Variants in SPIN1 observed in about 807,000 individuals in gnomAD.
SPIN1 encodes spindlin 1.
Under a neutral mutation model 26.0 loss-of-function variants are expected in SPIN1, and 3 were observed. That is an observed-to-expected ratio of 0.12 (90% CI 0.05 to 0.30). SPIN1 has a LOEUF of 0.30. Ranked by LOEUF, SPIN1 falls within the 10% of genes least tolerant of loss-of-function variation. SPIN1 has a pLI of 1.00. For synonymous variants in SPIN1, 101 were observed against 116.5 expected (o/e 0.87, Z 0.86); for missense variants, 126 against 333.4 (o/e 0.38, Z 4.84).
rs551260068 is a variant in SPIN1 at position 88,441,422 on chromosome 9, C to T, written c.53-7519C>T. Among the ~76,000 whole-genome samples the T allele has an allele frequency of 8.1e-4, 73 of 89,948 alleles. 2 individuals carry two copies. Among genetic ancestry groups the T allele is most frequent in the African/African-American group, 6.4e-3 (40 of 6,250 alleles). The allele number at this position is 89,948 out of a possible 152,430, so 59.0% of individuals were successfully genotyped here. On this transcript the variant is annotated intron_variant, in intron 2 of 5. Coordinates refer to ENST00000375859, the MANE Select transcript of SPIN1 (RefSeq NM_006717.3). ...TCGTGTGTGTGTGTGTGTGCGCGCG[C>T]GCGCGCCCATGTGTGTGTACATACA...
intron 3 of SPIN1, among the ~76,000 whole-genome samples, chr9:88,452,589 G>A (rs1057327015): frequency 1.3e-5 from 2 of 152,176 alleles, no homozygotes; most frequent in Non-Finnish European, 2.9e-5. Flanking sequence ...AATGTTTGCC[G>A]TGGACATCTC....
intron 2 of SPIN1, among the ~76,000 whole-genome samples, chr9:88,442,013 G>T (rs1828144260): frequency 7.1e-6 from 1 of 141,480 alleles, no homozygotes; most frequent in Non-Finnish European, 1.5e-5. Context: ...GTGCAGTGAT[G>T]TGATGTCGGC....
At chr9:88,390,509 C>T (rs1019841794) in intron 1 of SPIN1, among the ~76,000 whole-genome samples, 1 of 152,134 alleles carries the variant, frequency 6.6e-6, no homozygotes, top group Non-Finnish European at 1.5e-5. Flanking sequence ...TTGCTAGCAT[C>T]TTTTTTCTAG....
At chr9:88,389,009 G>C (rs932019805) in intron 1 of SPIN1, among the ~76,000 whole-genome samples, 2 of 151,520 alleles carry the variant, frequency 1.3e-5, no homozygotes, top group Non-Finnish European at 3.0e-5. Flanking sequence ...ACGGGGGCGG[G>C]GCGGGGGGAG....
chr9:88,441,398 C>CGCGCGTGTGTGTGTGTGTGTGT (rs757363030), intron 2 of SPIN1, among the ~76,000 whole-genome samples: 7 of 137,728 alleles, frequency 5.1e-5, no homozygotes, highest in African/African-American at 1.9e-4. Context: ...TGCTGCCATT[C>CGCGCGTGTGTGTGTGTGTGTGT]GTGTGTGTGT....
intron 3 of SPIN1, among the ~76,000 whole-genome samples, chr9:88,456,437 T>G (rs1353792120): frequency 6.6e-6 from 1 of 152,140 alleles, no homozygotes; most frequent in Non-Finnish European, 1.5e-5. Context: ...ACTGCCAGGA[T>G]CAGAGATAGT....
intron 2 of SPIN1, among the ~76,000 whole-genome samples, chr9:88,447,578 A>T (rs1238296443): frequency 6.6e-6 from 1 of 152,174 alleles, no homozygotes; most frequent in African/African-American, 2.4e-5. Flanking sequence ...AAGTGTTAAG[A>T]GGTGGCGATG....
At chr9:88,401,213 G>A (rs189620726) in intron 1 of SPIN1, among the ~76,000 whole-genome samples, 11 of 152,244 alleles carry the variant, frequency 7.2e-5, no homozygotes, top group East Asian at 1.9e-4. Flanking sequence ...ATACAAATAC[G>A]TTATGTTTAA....
At chr9:88,451,597 G>A (rs1460566505) in intron 3 of SPIN1, among the ~76,000 whole-genome samples, 3 of 152,158 alleles carry the variant, frequency 2.0e-5, no homozygotes, top group Non-Finnish European at 4.4e-5. Context: ...GTCTTGCTCT[G>A]TTGCTCAGGT....
intron 5 of SPIN1, among the ~76,000 whole-genome samples, chr9:88,472,080 T>G (rs972772836): frequency 6.6e-6 from 1 of 152,120 alleles, no homozygotes; most frequent in Non-Finnish European, 1.5e-5. Flanking sequence ...ATTACAGGTG[T>G]AAGCCACTGC....
intron 2 of SPIN1, among the ~76,000 whole-genome samples, chr9:88,432,628 C>T (rs1271636858): frequency 2.0e-5 from 3 of 151,510 alleles, no homozygotes; most frequent in African/African-American, 4.9e-5. Context: ...GGATTACAGG[C>T]GCATGCCACC....
At chr9:88,408,981 TTGTGTGTG>T (rs148808911) in intron 1 of SPIN1, among the ~76,000 whole-genome samples, 19 of 136,696 alleles carry the variant, frequency 1.4e-4, no homozygotes, top group African/African-American at 3.9e-4. Flanking sequence ...TTGTGTGTGT[TTGTGTGTG>T]TGTGTGTGTG....
intron 1 of SPIN1, among the ~76,000 whole-genome samples, chr9:88,419,946 C>G (rs1313318757): frequency 2.0e-5 from 3 of 152,214 alleles, no homozygotes; most frequent in African/African-American, 7.2e-5. Flanking sequence ...CATGATAATG[C>G]AGTTCCCAAT....
chr9:88,455,189 G>T (rs1828447435), intron 3 of SPIN1, among the ~76,000 whole-genome samples: 1 of 152,196 alleles, frequency 6.6e-6, no homozygotes. Context: ...GTTCTGCCGG[G>T]CGCGGTGGCT....
At chr9:88,457,020 A>T (rs992154123) in intron 3 of SPIN1, among the ~76,000 whole-genome samples, 4 of 152,220 alleles carry the variant, frequency 2.6e-5, no homozygotes, top group Admixed American at 6.5e-5. Flanking sequence ...ATTGAGCTAA[A>T]AATTTCTTCA....
chr9:88,411,202 C>T (rs550909023), intron 1 of SPIN1: 5 of 1,250,170 alleles, frequency 4.0e-6, no homozygotes, highest in Non-Finnish European at 5.8e-6. Flanking sequence ...AGACAGCTCT[C>T]TTTGGTTCCA....
intron 1 of SPIN1, among the ~76,000 whole-genome samples, chr9:88,406,525 C>T (rs1308887502): frequency 1.3e-5 from 2 of 152,084 alleles, no homozygotes; most frequent in East Asian, 3.9e-4. Context: ...ATCTTCTGAC[C>T]TTGTAATCCA....
chr9:88,470,599 C>A (rs181119037), intron 5 of SPIN1, among the ~76,000 whole-genome samples: 2 of 128,562 alleles, frequency 1.6e-5, no homozygotes, highest in African/African-American at 4.9e-5. Flanking sequence ...TTGGCCCCCC[C>A]CCTTTTTTTT....
Position 88,462,631 on chromosome 9 carries a change from G to A in SPIN1, c.237G>A (p.Gln79=). 6.2e-7 allele frequency: 1 copy of A among 1,614,108 alleles called. No individual in the cohort carries two copies. ...AGTGGAAAGGAACCGTTCTGGACCAGGTGCCTGTAAATCCTTCTTTGTATC... is the reference window on the plus strand; with the variant it reads ...AGTGGAAAGGAACCGTTCTGGACCAAGTGCCTGTAAATCCTTCTTTGTATC... ...VTQWKGTVLD[Q]VPVNPSLYLI... Residue 79 remains glutamine (Q), a synonymous_variant, in exon 4 of 6, where the codon CAG becomes CAA. Coordinates refer to ENST00000375859, the MANE Select transcript of SPIN1 (RefSeq NM_006717.3).
Sources: allele counts gnomAD v4.1 joint callset (sites outside exome capture counted in the v4.1 genomes callset), GRCh38; gene constraint gnomAD v4.1.1; transcripts MANE v1.5; gene names NCBI Gene and HGNC (gene_info 2026-07-23, HGNC 2026-07-21).